Variants in ITGBL1 observed in about 807,000 individuals in gnomAD.
ITGBL1 encodes integrin subunit beta like 1, also known as integrin beta-like protein 1.
Under a neutral mutation model 68.5 loss-of-function variants are expected in ITGBL1, and 51 were observed. The observed-to-expected ratio is 0.74, with a 90% CI of 0.59 to 0.94. The LOEUF is 0.94. Ranked by LOEUF, ITGBL1 falls within the 40% of genes least tolerant of loss-of-function variation. The pLI is 0.00. For missense variants in ITGBL1, 649 were observed against 647.4 expected, an observed-to-expected ratio of 1.00 and a Z score of -0.03; for synonymous variants, 209 against 227.3, an observed-to-expected ratio of 0.92 and a Z score of 0.72.
intron 2 of ITGBL1, among the ~76,000 whole-genome samples, chr13:101,483,893 A>G (rs1179473355): frequency 6.6e-6 from 1 of 152,214 alleles, no homozygotes; most frequent in Non-Finnish European, 1.5e-5. Flanking sequence ...GCTTTTTAAA[A>G]GGAAGCTTAG....
At chr13:101,611,268 A>G (rs1029025186) in intron 7 of ITGBL1, among the ~76,000 whole-genome samples, 1 of 152,216 alleles carries the variant, frequency 6.6e-6, no homozygotes, top group African/African-American at 2.4e-5. Flanking sequence ...CCATTGGGTC[A>G]TTGCTAAAAT....
chr13:101,502,807 G>A (rs1024300928), intron 2 of ITGBL1, among the ~76,000 whole-genome samples: 1 of 152,082 alleles, frequency 6.6e-6, no homozygotes, highest in Non-Finnish European at 1.5e-5. Flanking sequence ...ATTCTCATGT[G>A]CCTCGTTCCA....
At chr13:101,657,432 T>G (rs1410661919) in intron 7 of ITGBL1, among the ~76,000 whole-genome samples, 1 of 152,188 alleles carries the variant, frequency 6.6e-6, no homozygotes, top group Non-Finnish European at 1.5e-5. Context: ...AAATTCCACT[T>G]GACTCCTCAA....
At chr13:101,496,094 C>T (rs1387011539) in intron 2 of ITGBL1, among the ~76,000 whole-genome samples, 2 of 152,156 alleles carry the variant, frequency 1.3e-5, no homozygotes, top group Non-Finnish European at 2.9e-5. Flanking sequence ...GCCTATATTT[C>T]TCCAGAGTTG....
chr13:101,481,002 A>ATGTG (rs71121195), intron 2 of ITGBL1, among the ~76,000 whole-genome samples: 2,548 of 143,276 alleles, frequency 0.018, 43 homozygotes, highest in African/African-American at 0.046. Flanking sequence ...GCCAAAAGAT[A>ATGTG]TGTGTGTGTG....
chr13:101,507,258 A>G (rs961890596), intron 2 of ITGBL1, among the ~76,000 whole-genome samples: 12 of 152,214 alleles, frequency 7.9e-5, no homozygotes, highest in African/African-American at 2.7e-4. Context: ...GCAGGAGGAC[A>G]GCCTGCTTTG....
intron 7 of ITGBL1, among the ~76,000 whole-genome samples, chr13:101,629,468 G>A (rs1029071988): frequency 3.4e-4 from 51 of 151,456 alleles, no homozygotes; most frequent in Non-Finnish European, 6.0e-4. Context: ...TATCCTAATG[G>A]TTACCTTATA....
intron 2 of ITGBL1, among the ~76,000 whole-genome samples, chr13:101,524,068 G>A (rs551242985): frequency 3.7e-4 from 56 of 152,042 alleles, no homozygotes; most frequent in Non-Finnish European, 6.5e-4. Flanking sequence ...TTACTGCAGT[G>A]CAGTGTGATT....
chr13:101,600,275 G>A (rs1444872817), intron 7 of ITGBL1, among the ~76,000 whole-genome samples: 2 of 152,082 alleles, frequency 1.3e-5, no homozygotes, highest in Admixed American at 1.3e-4. Context: ...TGTGATTTTT[G>A]CACATTGATT....
intron 7 of ITGBL1, among the ~76,000 whole-genome samples, chr13:101,665,870 C>A (rs1204120862): frequency 2.0e-5 from 3 of 152,210 alleles, no homozygotes; most frequent in South Asian, 2.1e-4. Flanking sequence ...CACAGTCTTA[C>A]ACACACAAAA....
chr13:101,500,379 G>A (rs1180311931), intron 2 of ITGBL1, among the ~76,000 whole-genome samples: 1 of 152,146 alleles, frequency 6.6e-6, no homozygotes. Flanking sequence ...GCATTGCCAA[G>A]TTAAAAATGT....
intron 2 of ITGBL1, among the ~76,000 whole-genome samples, chr13:101,525,554 G>T (rs2049362380): frequency 6.7e-6 from 1 of 150,374 alleles, no homozygotes; most frequent in African/African-American, 2.4e-5. Context: ...AAAAAATTAG[G>T]TTTCTTTTTC....
chr13:101,636,943 A>G (rs1475722007), intron 7 of ITGBL1, among the ~76,000 whole-genome samples: 3 of 152,200 alleles, frequency 2.0e-5, no homozygotes, highest in East Asian at 3.9e-4. Flanking sequence ...TTAATTTTAC[A>G]TGTTATATCA....
At chr13:101,572,964 A>G (rs1264386391) in intron 3 of ITGBL1, among the ~76,000 whole-genome samples, 1 of 152,144 alleles carries the variant, frequency 6.6e-6, no homozygotes, top group Non-Finnish European at 1.5e-5. Flanking sequence ...AAGAAAACAT[A>G]TGACACAAAG....
rs114245554 is a variant in ITGBL1, at chr13:101,689,707, G to A, written c.1016-2878G>A. On this transcript the variant is annotated intron_variant, in intron 7 of 10. Transcript: ENST00000376180. ...TTTCCTAATGCATTATATTTTAATT[G>A]TTAACTTTTTAAAAAATGTTGTGGA... Among the ~76,000 whole-genome samples the A allele has an allele frequency of 7.7e-3, 1,164 of 152,100 alleles. 10 individuals are homozygous for A. Among genetic ancestry groups the A allele is most frequent in the African/African-American group, 0.026 (1,093 of 41,508 alleles).
chr13:101,558,286 T>C (rs192588443), intron 2 of ITGBL1, among the ~76,000 whole-genome samples: 22 of 151,922 alleles, frequency 1.4e-4, no homozygotes, highest in African/African-American at 4.1e-4. Flanking sequence ...GACATAAAGA[T>C]AGACATAAGA....
At chr13:101,714,715 G>A (rs1318549271) in intron 10 of ITGBL1, 164 bp downstream of exon 10, 1 of 600,760 alleles carries the variant, frequency 1.7e-6, no homozygotes, top group African/African-American at 1.9e-5. Flanking sequence ...CCTCACAAAA[G>A]CCTCACATTA....
intron 2 of ITGBL1, among the ~76,000 whole-genome samples, chr13:101,466,891 G>C (rs1429558116): frequency 1.3e-5 from 2 of 152,100 alleles, no homozygotes; most frequent in South Asian, 2.1e-4. Context: ...GTCCATTCAG[G>C]CTGCTGTAAC....
rs1190651417 is a variant in ITGBL1, at chr13:101,489,561, A to G, written c.316+35461A>G. 3.3e-5 allele frequency among the ~76,000 whole-genome samples: 5 copies of G among 152,188 alleles called. 1 individual carries two copies. In the East Asian group the frequency reaches 9.6e-4, roughly 29 times the overall value. ...TGGAGAGAGCAGCTGACATAGTTGA[A>G]TATATATCAGATATATGGTTAGAAA... On this transcript the variant is annotated intron_variant, in intron 2 of 10. Transcript: ENST00000376180.
Sources: allele counts gnomAD v4.1 joint callset (sites outside exome capture counted in the v4.1 genomes callset), GRCh38; gene constraint gnomAD v4.1.1; transcripts MANE v1.5; gene names NCBI Gene and HGNC (gene_info 2026-07-23, HGNC 2026-07-21).